The following CLIC5 variants were observed in gnomAD, a reference collection of about 807,000 sequenced individuals.
CLIC5 encodes the protein CLIC family member 5.
CLIC5 carries 20 observed loss-of-function variants against 24.7 expected under a neutral mutation model. The observed-to-expected ratio is 0.81, with a 90% CI of 0.57 to 1.18. The LOEUF (loss-of-function observed/expected upper bound fraction) is 1.18. Among genes scored for constraint, CLIC5 ranks in the 50% most tolerant of loss-of-function variants. CLIC5 has a pLI of 0.00. For missense variants in CLIC5, 341 were observed against 326.1 expected, an observed-to-expected ratio of 1.05 and a Z score of -0.35; for synonymous variants, 159 against 135.6, an observed-to-expected ratio of 1.17 and a Z score of -1.20.
the CLIC5 span, among the ~76,000 whole-genome samples, chr6:46,100,579 ATT>A: frequency 1.3e-5 from 2 of 152,190 alleles, no homozygotes; most frequent in Non-Finnish European, 2.9e-5. Flanking sequence ...AGGGGCAGCA[ATT>A]TACTGGGGCT....
chr6:46,080,819 AT>A (rs1762904542), upstream of CLIC5, among the ~76,000 whole-genome samples: 1 of 152,214 alleles, frequency 6.6e-6, no homozygotes, highest in African/African-American at 2.4e-5. Context: ...TACATTTCTT[AT>A]CTGGAAACAC....
At chr6:46,025,360 C>G (rs1205818098) in intron 1 of CLIC5, among the ~76,000 whole-genome samples, 1 of 152,156 alleles carries the variant, frequency 6.6e-6, no homozygotes, top group African/African-American at 2.4e-5. Context: ...CTCACTTAAT[C>G]CCTCACTGCA....
At chr6:46,023,667 T>C (rs757405225) in intron 1 of CLIC5, among the ~76,000 whole-genome samples, 2 of 152,008 alleles carry the variant, frequency 1.3e-5, no homozygotes, top group African/African-American at 4.8e-5. Flanking sequence ...CCCTAGGAAA[T>C]GGAAGTTATG....
chr6:46,106,511 C>A, the CLIC5 span, among the ~76,000 whole-genome samples: 2 of 152,032 alleles, frequency 1.3e-5, no homozygotes, highest in Non-Finnish European at 2.9e-5. Context: ...TTTTTGGGGC[C>A]CAATTTGTTA....
At chr6:46,051,027 C>T (rs1244742924) in intron 1 of CLIC5, among the ~76,000 whole-genome samples, 1 of 152,118 alleles carries the variant, frequency 6.6e-6, no homozygotes, top group Non-Finnish European at 1.5e-5. Context: ...ATGGAGAATA[C>T]CAACTACAAA....
At chr6:46,129,148 T>C in the CLIC5 span, among the ~76,000 whole-genome samples, 1 of 152,212 alleles carries the variant, frequency 6.6e-6, no homozygotes, top group Non-Finnish European at 1.5e-5. Context: ...AAATACCTTC[T>C]GGAGCCTGCA....
At chr6:46,034,260 C>T (rs565095525) in intron 1 of CLIC5, among the ~76,000 whole-genome samples, 1 of 152,224 alleles carries the variant, frequency 6.6e-6, no homozygotes, top group Non-Finnish European at 1.5e-5. Flanking sequence ...GCCTGGACAC[C>T]AGGACTATCT....
chr6:46,103,728 A>G, the CLIC5 span, among the ~76,000 whole-genome samples: 1 of 152,082 alleles, frequency 6.6e-6, no homozygotes. Context: ...CCTTTTCTCC[A>G]ATTCATCTGA....
the CLIC5 span, among the ~76,000 whole-genome samples, chr6:46,124,347 T>G: frequency 6.6e-6 from 1 of 152,344 alleles, no homozygotes; most frequent in South Asian, 2.1e-4. Flanking sequence ...ATTCCCTATT[T>G]AACAAATGGT....
chr6:45,947,350 G>T (rs1363548059), intron 3 of CLIC5, among the ~76,000 whole-genome samples: 1 of 152,096 alleles, frequency 6.6e-6, no homozygotes, highest in Admixed American at 6.5e-5. Context: ...GGCTCTGGGA[G>T]ATATCCTGTC....
At chr6:46,082,028 G>C (rs981599452), upstream of CLIC5, among the ~76,000 whole-genome samples, 3 of 152,116 alleles carry the variant, frequency 2.0e-5, no homozygotes, top group African/African-American at 7.2e-5. Flanking sequence ...CATTAAAAGA[G>C]TAACTTTTTT....
rs549539673 is a variant in CLIC5 at position 45,917,828 on chromosome 6, A to G, written c.407-3419T>C. Reference sequence around the variant, plus strand: ...TATTTGAACTTTCTGCTCTGGTAGGAACAAGGGGGATGTGAAAGAAACTAG... The same window carrying G: ...TATTTGAACTTTCTGCTCTGGTAGGGACAAGGGGGATGTGAAAGAAACTAG... On this transcript the variant is annotated intron_variant, in intron 4 of 5. Transcript: ENST00000339561. 7.2e-5 allele frequency among the ~76,000 whole-genome samples: 11 copies of G among 152,320 alleles called. No individual in the cohort carries two copies. In the South Asian group the frequency reaches 2.1e-3, roughly 29 times the overall value.
chr6:45,941,403 G>GC (rs1025205446), intron 4 of CLIC5, 144 bp downstream of exon 4: 7 of 525,182 alleles, frequency 1.3e-5, no homozygotes, highest in Non-Finnish European at 2.3e-5. Context: ...TGGTGGTGGC[G>GC]GGGGGTGGGG....
At chr6:46,050,208 A>C (rs1768065556) in intron 1 of CLIC5, among the ~76,000 whole-genome samples, 1 of 152,158 alleles carries the variant, frequency 6.6e-6, no homozygotes, top group Non-Finnish European at 1.5e-5. Flanking sequence ...AGAGCAACCA[A>C]AGTTAATCTG....
intron 1 of CLIC5, among the ~76,000 whole-genome samples, chr6:46,044,262 C>T (rs992224842): frequency 3.3e-5 from 5 of 152,106 alleles, no homozygotes; most frequent in African/African-American, 1.2e-4. Context: ...AGGAAAATAC[C>T]TTGATAAAAA....
At chr6:46,040,360 G>T (rs1015855602) in intron 1 of CLIC5, among the ~76,000 whole-genome samples, 2 of 152,158 alleles carry the variant, frequency 1.3e-5, no homozygotes, top group Non-Finnish European at 2.9e-5. Flanking sequence ...TGATGGCATT[G>T]GTGGAGGTGA....
At chr6:45,942,220 A>C (rs891100127) in intron 3 of CLIC5, among the ~76,000 whole-genome samples, 7 of 152,198 alleles carry the variant, frequency 4.6e-5, no homozygotes, top group Non-Finnish European at 1.0e-4. Context: ...AACATGCAGA[A>C]ACTACCAAGC....
chr6:45,948,816 A>C (rs1015044617), intron 3 of CLIC5, among the ~76,000 whole-genome samples: 4 of 152,058 alleles, frequency 2.6e-5, no homozygotes, highest in African/African-American at 9.7e-5. Context: ...GGTCAGGTTT[A>C]AGACCCTGGA....
chr6:46,109,425 A>C, the CLIC5 span, among the ~76,000 whole-genome samples: 1 of 149,936 alleles, frequency 6.7e-6, no homozygotes, highest in African/African-American at 2.5e-5. Context: ...TACGCCTATA[A>C]TCCCAGCACT....
Sources: gnomAD v4.1 joint callset for allele counts (sites outside exome capture counted in the v4.1 genomes callset) on GRCh38, gnomAD v4.1.1 for gene constraint, MANE v1.5 for transcripts, NCBI Gene and HGNC (gene_info 2026-07-23, HGNC 2026-07-21) for gene names.